SPHKAP: variants seen among roughly 807,000 people sequenced by gnomAD.
SPHKAP encodes the protein SPHK1 interactor, AKAP domain containing, also known as A-kinase anchor protein SPHKAP.
Under a neutral mutation model 137.5 loss-of-function variants are expected in SPHKAP, and 67 were observed. That is an observed-to-expected ratio of 0.49 (90% CI 0.40 to 0.60). The LOEUF is 0.60. SPHKAP is among the 20% of genes least tolerant of loss of function. SPHKAP has a pLI of 0.00. For synonymous variants in SPHKAP, 813 were observed against 785.3 expected (o/e 1.04, Z -0.59); for missense variants, 2,097 against 2,069.3 (o/e 1.01, Z -0.26).
chr2:228,180,896 C>A (rs1343208207), intron 1 of SPHKAP, among the ~76,000 whole-genome samples: 1 of 152,208 alleles, frequency 6.6e-6, no homozygotes, highest in Non-Finnish European at 1.5e-5. Flanking sequence ...TCGCACCCGG[C>A]AGCGCCTGGG....
At chr2:228,145,007 C>T (rs11896423) in intron 1 of SPHKAP, among the ~76,000 whole-genome samples, 18,875 of 152,206 alleles carry the variant, frequency 0.12, 1,248 homozygotes, top group Non-Finnish European at 0.14. Flanking sequence ...GTTGCCTCCC[C>T]CATATCTCTG....
chr2:228,109,014 T>A (rs1337539233), intron 2 of SPHKAP, 75 bp from the exon 3 acceptor site: 2 of 1,015,712 alleles, frequency 2.0e-6, no homozygotes, highest in Admixed American at 6.2e-5. Flanking sequence ...TCTCTTTTTT[T>A]TTTTTCTTAT....
Position 228,016,593 on chromosome 2 carries a change from G to A in SPHKAP, c.4261C>T (p.Leu1421Phe), listed in dbSNP as rs1294080285. 5 of 1,614,092 alleles carry A rather than the reference G, an allele frequency of 3.1e-6. No individual in the cohort carries two copies. In the South Asian group the frequency reaches 5.5e-5, roughly 18 times the overall value. Reference protein sequence around the residue: ...PVPINHKRRSLCSREVPLIQI... With the variant: ...PVPINHKRRSFCSREVPLIQI... ...ATCAAAGGCACTTCCCTCGAGCAAA[G>A]TGATCGCCTTTTGTGGTTTATTGGT... Residue 1421 changes from leucine (L) to phenylalanine (F), a missense_variant, in exon 7 of 12, where the codon CTT becomes TTT. Physicochemically the swap from Leu to Phe is conservative, Grantham distance 22. Coordinates refer to ENST00000392056, the MANE Select transcript of SPHKAP (RefSeq NM_001142644.2).
intron 3 of SPHKAP, among the ~76,000 whole-genome samples, chr2:228,104,379 ATAT>A (rs1218360197): frequency 1.4e-5 from 2 of 143,212 alleles, no homozygotes; most frequent in African/African-American, 2.6e-5. Context: ...TCATTATATT[ATAT>A]TATTATATAA....
chr2:228,085,007 C>T (rs1697494127), intron 3 of SPHKAP, among the ~76,000 whole-genome samples: 1 of 152,196 alleles, frequency 6.6e-6, no homozygotes, highest in African/African-American at 2.4e-5. Flanking sequence ...GTTTCACAGA[C>T]TAAGTGCCAG....
intron 2 of SPHKAP, among the ~76,000 whole-genome samples, chr2:228,112,569 G>T (rs151273077): frequency 5.3e-5 from 8 of 151,936 alleles, no homozygotes; most frequent in African/African-American, 1.4e-4. Context: ...GTACATTTTC[G>T]TGGTGAAACA....
At chr2:228,049,040 C>G (rs1341678844) in intron 3 of SPHKAP, among the ~76,000 whole-genome samples, 1 of 152,118 alleles carries the variant, frequency 6.6e-6, no homozygotes, top group Non-Finnish European at 1.5e-5. Context: ...CAGCTCCAAT[C>G]CCAGCTCTGC....
Position 228,019,679 on chromosome 2 carries a change from G to A in SPHKAP, c.1175C>T (p.Ala392Val), listed in dbSNP as rs564987777. The part of the protein sequence containing the change: ...QDGEVTTGKY[A>V]TNLAESVLQD... ...CAGCACGGATTCTGCTAAATTTGTA[G>A]CATACTTGCCAGTGGTGACTTCTCC... is the stretch of plus-strand genomic sequence containing the variant. The change falls in exon 7 of 12, where the codon GCT becomes GTT. Residue 392 changes from alanine to valine, a missense_variant. Transcript: ENST00000392056. 1 of 1,614,190 alleles carries A rather than the reference G, an allele frequency of 6.2e-7. No individual in the cohort carries two copies. The highest frequency in any genetic ancestry group is 1.3e-5 in the African/African-American group (1 of 75,058).
chr2:227,980,101 GA>G lies in SPHKAP; in HGVS notation c.*1615del, dbSNP rs1337018975. ...CAAAAGTCTACACACAGTATTCTGGGATTGTTTAAAAAATAAGTGTATTCTA... is the reference window on the plus strand; with the variant it reads ...CAAAAGTCTACACACAGTATTCTGGGTTGTTTAAAAAATAAGTGTATTCTA... On this transcript the variant is annotated 3_prime_UTR_variant, in exon 12 of 12. Coordinates refer to ENST00000392056, the MANE Select transcript of SPHKAP (RefSeq NM_001142644.2). 2 of 152,606 alleles carry G rather than the reference GA, an allele frequency of 1.3e-5. No homozygotes were observed. Among genetic ancestry groups the G allele is most frequent in the Admixed American group, 6.5e-5 (1 of 15,278 alleles). 9.5% of individuals were successfully genotyped at this position (152,606 alleles called of 1,614,324 possible). A position where few individuals can be genotyped will look rare whatever the true frequency, so the allele number is the denominator to read the frequency against.
intron 1 of SPHKAP, among the ~76,000 whole-genome samples, chr2:228,160,111 T>G (rs540577550): frequency 6.6e-6 from 1 of 152,244 alleles, no homozygotes; most frequent in African/African-American, 2.4e-5. Context: ...TTAGCTTAAT[T>G]TGGAGTTTTC....
At chr2:228,015,332 T>C (rs1198335771) in intron 7 of SPHKAP, among the ~76,000 whole-genome samples, 5 of 151,808 alleles carry the variant, frequency 3.3e-5, no homozygotes, top group Admixed American at 6.6e-5. Context: ...TGTTGGACAT[T>C]TGGGTTGGTT....
At chr2:228,004,548 C>T (rs1262534683) in intron 7 of SPHKAP, among the ~76,000 whole-genome samples, 1 of 152,294 alleles carries the variant, frequency 6.6e-6, no homozygotes, top group South Asian at 2.1e-4. Context: ...TTTTGTGTCT[C>T]TATCTCCTTC....
chr2:228,024,835 A>G (rs994526356), intron 5 of SPHKAP, among the ~76,000 whole-genome samples: 1 of 152,176 alleles, frequency 6.6e-6, no homozygotes, highest in Non-Finnish European at 1.5e-5. Context: ...AGGAATGAAC[A>G]TGAGTGCACG....
chr2:228,016,925 C>A lies in SPHKAP; in HGVS notation c.3929G>T (p.Trp1310Leu). The A allele has an allele frequency of 6.2e-7, 1 of 1,614,092 alleles. No homozygotes were observed. The highest frequency in any genetic ancestry group is 8.5e-7 in the Non-Finnish European group (1 of 1,180,018). The change falls in exon 7 of 12, where the codon TGG becomes TTG. Residue 1310 changes from tryptophan (W) to leucine (L), a missense_variant. Transcript: ENST00000392056. ...CATGAGAGCCTCAATGGAGCTAGCC[C>A]ACGTTTCATGAATTAACATGTTGGT... The part of the protein sequence containing the change: ...HITNMLIHET[W>L]ASSIEALMRK...
At chr2:228,165,500 T>C (rs1024540017) in intron 1 of SPHKAP, among the ~76,000 whole-genome samples, 5 of 152,212 alleles carry the variant, frequency 3.3e-5, no homozygotes. Flanking sequence ...TTTGGAAACA[T>C]AAAGACCTCT....
At chr2:228,076,300 T>C (rs1268751083) in intron 3 of SPHKAP, among the ~76,000 whole-genome samples, 1 of 152,198 alleles carries the variant, frequency 6.6e-6, no homozygotes, top group Non-Finnish European at 1.5e-5. Context: ...AGCGAAGTGC[T>C]GCTGAAAAGA....
intron 3 of SPHKAP, among the ~76,000 whole-genome samples, chr2:228,074,251 T>C (rs1456654290): frequency 6.6e-6 from 1 of 152,230 alleles, no homozygotes; most frequent in Non-Finnish European, 1.5e-5. Context: ...TGGTTATAAA[T>C]TGACATAATT....
chr2:228,107,047 A>G (rs1698362703), intron 3 of SPHKAP, among the ~76,000 whole-genome samples: 1 of 150,136 alleles, frequency 6.7e-6, no homozygotes, highest in African/African-American at 2.4e-5. Context: ...ACTAATGAAC[A>G]TATGCATTAA....
At chr2:228,036,387 G>C (rs1393890191) in intron 3 of SPHKAP, among the ~76,000 whole-genome samples, 2 of 152,114 alleles carry the variant, frequency 1.3e-5, no homozygotes, top group African/African-American at 4.8e-5. Context: ...GAAACAACAG[G>C]TGCTGGAGAG....
Sources: gnomAD v4.1 joint callset for allele counts (sites outside exome capture counted in the v4.1 genomes callset) on GRCh38, gnomAD v4.1.1 for gene constraint, MANE v1.5 for transcripts, NCBI Gene and HGNC (gene_info 2026-07-23, HGNC 2026-07-21) for gene names.